The following ELP4 variants were observed in gnomAD, a reference collection of about 807,000 sequenced individuals.
ELP4 encodes the protein elongator complex protein 4.
In ELP4, 51 loss-of-function variants were observed where a neutral mutation model predicts 48.9. The ratio of observed to expected loss-of-function variants is 1.04; its 90% CI spans 0.83 to 1.32. The LOEUF (loss-of-function observed/expected upper bound fraction) is 1.32, where lower values mean the gene tolerates loss of function less well. ELP4 is among the 40% of genes most tolerant of loss of function. ELP4 has a pLI of 0.00. For synonymous variants in ELP4, 210 were observed against 189.2 expected, an observed-to-expected ratio of 1.11 and a Z score of -0.90; for missense variants, 519 against 514.6, an observed-to-expected ratio of 1.01 and a Z score of -0.08.
chr11:31,621,501 C>T (rs527345481), intron 5 of ELP4, among the ~76,000 whole-genome samples: 1 of 151,910 alleles, frequency 6.6e-6, no homozygotes, highest in Admixed American at 6.6e-5. Context: ...GAGAAAATTT[C>T]GAAGACCAGA....
At chr11:31,679,172 T>C (rs1425781993) in intron 9 of ELP4, among the ~76,000 whole-genome samples, 1 of 152,224 alleles carries the variant, frequency 6.6e-6, no homozygotes, top group Non-Finnish European at 1.5e-5. Flanking sequence ...ACCATTTGTT[T>C]ATTGACTATA....
At chr11:31,535,328 C>T (rs1167274046) in intron 2 of ELP4, among the ~76,000 whole-genome samples, 1 of 151,462 alleles carries the variant, frequency 6.6e-6, no homozygotes, top group African/African-American at 2.4e-5. Flanking sequence ...TAAAATGCAC[C>T]CATTTGTTTA....
chr11:31,527,931 T>C lies in ELP4; in HGVS notation c.259+7840T>C, dbSNP rs149769746. Among the ~76,000 whole-genome samples the C allele has an allele frequency of 7.9e-5, 12 of 152,226 alleles. No individual in the cohort carries two copies. In the East Asian group the frequency reaches 2.1e-3, roughly 27 times the overall value. ...CCTCTCACTATTCTTCCTCATACTT[T>C]GTGTTTATCATTCTGAGCTTTTAAT... On this transcript the variant is annotated intron_variant, in intron 2 of 9. Transcript: ENST00000640961.
chr11:31,611,868 A>C (rs1957986725), intron 5 of ELP4, among the ~76,000 whole-genome samples: 1 of 152,234 alleles, frequency 6.6e-6, no homozygotes, highest in South Asian at 2.1e-4. Context: ...GTGGGCAGAG[A>C]GGGCAGTGGG....
intron 1 of ELP4, among the ~76,000 whole-genome samples, chr11:31,515,029 G>GTATA (rs1173108055): frequency 6.8e-5 from 9 of 132,758 alleles, no homozygotes; most frequent in Middle Eastern, 3.9e-3. Context: ...GTGTGTGTGT[G>GTATA]TGTGTATATA....
chr11:31,577,382 C>T (rs957460028), intron 3 of ELP4, among the ~76,000 whole-genome samples: 3 of 152,134 alleles, frequency 2.0e-5, no homozygotes, highest in Non-Finnish European at 2.9e-5. Flanking sequence ...ACCATTCCTT[C>T]TGAAACTATT....
intron 9 of ELP4, among the ~76,000 whole-genome samples, chr11:31,667,870 A>G (rs977191791): frequency 6.6e-6 from 1 of 152,208 alleles, no homozygotes; most frequent in African/African-American, 2.4e-5. Flanking sequence ...AACTTAGGCA[A>G]TAAAATCTAT....
intron 9 of ELP4, chr11:31,681,725 G>A (rs1365701869): frequency 2.4e-5 from 4 of 168,038 alleles, no homozygotes; most frequent in African/African-American, 2.4e-5. Flanking sequence ...AACAAACAGG[G>A]CTTTATATTT....
At chr11:31,510,838 G>GA (rs2133863607) in intron 1 of ELP4, 1 of 154,104 alleles carries the variant, frequency 6.5e-6, no homozygotes, top group East Asian at 1.9e-4. Context: ...TGGTAGGACA[G>GA]ATTTGCTGTG....
chr11:31,756,054 T>C (rs1947826825), intron 9 of ELP4, among the ~76,000 whole-genome samples: 1 of 152,198 alleles, frequency 6.6e-6, no homozygotes, highest in South Asian at 2.1e-4. Context: ...GGGAAATTTA[T>C]TTAAAAGAAT....
At chr11:31,561,584 C>T (rs1189582354) in intron 3 of ELP4, among the ~76,000 whole-genome samples, 1 of 152,076 alleles carries the variant, frequency 6.6e-6, no homozygotes, top group African/African-American at 2.4e-5. Context: ...GCTGGGATTA[C>T]AGGCTCCCGC....
In ELP4 at chr11:31,539,580, CAT is replaced by C. The variant is rs1229574325; in HGVS notation, c.260-79_260-78del. ...GTTTTAAGGAAAAAAAATATAAAAA[CAT>C]ATGAGTGTGCTTGCTGTTTGATAGC... is the stretch of plus-strand genomic sequence containing the variant. On this transcript the variant is annotated intron_variant, in intron 2 of 9. Transcript: ENST00000640961. 15 of 1,389,040 alleles carry C rather than the reference CAT, an allele frequency of 1.1e-5. No homozygotes were observed. In the South Asian group the frequency reaches 1.2e-4, roughly 11 times the overall value. 86.0% of individuals were successfully genotyped at this position (1,389,040 alleles called of 1,614,324 possible).
chr11:31,612,383 C>T (rs1037922888), intron 5 of ELP4, among the ~76,000 whole-genome samples: 3 of 151,988 alleles, frequency 2.0e-5, no homozygotes, highest in Admixed American at 1.3e-4. Context: ...TTTCATAGAC[C>T]GGAAGAATAC....
chr11:31,736,895 G>A (rs1947331427), intron 9 of ELP4, among the ~76,000 whole-genome samples: 1 of 152,206 alleles, frequency 6.6e-6, no homozygotes, highest in South Asian at 2.1e-4. Context: ...CAACCATTGT[G>A]GAAGTCAGTG....
intron 9 of ELP4, among the ~76,000 whole-genome samples, chr11:31,677,935 A>G (rs1228191110): frequency 1.3e-5 from 2 of 152,170 alleles, no homozygotes; most frequent in Non-Finnish European, 2.9e-5. Context: ...GTATAATGAC[A>G]TGTATTCCCA....
rs537198478 is a variant in ELP4 at position 31,754,638 on chromosome 11, A to G, written c.1144-28755A>G. 7.9e-5 allele frequency among the ~76,000 whole-genome samples: 12 copies of G among 152,208 alleles called. No homozygotes were observed. The East Asian group carries it at 2.3e-3, about 29-fold the overall frequency. ...GTAATCCCAGCACTTTGGGAGGCCG[A>G]GGTGGGTGGATCACCTGATGTCAGG... On this transcript the variant is annotated intron_variant, in intron 9 of 9. Coordinates refer to ENST00000640961, the MANE Select transcript of ELP4 (RefSeq NM_019040.5).
chr11:31,576,959 G>C (rs1350488083), intron 3 of ELP4, among the ~76,000 whole-genome samples: 1 of 152,080 alleles, frequency 6.6e-6, no homozygotes, highest in Non-Finnish European at 1.5e-5. Context: ...AACTGAAGGA[G>C]ATGGAGACAC....
chr11:31,582,796 G>C (rs2133974322), intron 3 of ELP4, among the ~76,000 whole-genome samples: 1 of 152,014 alleles, frequency 6.6e-6, no homozygotes, highest in South Asian at 2.1e-4. Flanking sequence ...GTTTTTCCTG[G>C]GAGGAATCCT....
intron 9 of ELP4, chr11:31,652,489 A>G (rs2134077142): frequency 6.6e-6 from 1 of 151,868 alleles, no homozygotes; most frequent in East Asian, 1.9e-4. Context: ...AAACAGGGGT[A>G]GAAATGCCCT....
Sources: allele counts gnomAD v4.1 joint callset (sites outside exome capture counted in the v4.1 genomes callset), GRCh38; gene constraint gnomAD v4.1.1; transcripts MANE v1.5; gene names NCBI Gene and HGNC (gene_info 2026-07-23, HGNC 2026-07-21).